MEGF11: variants seen among roughly 807,000 people sequenced by gnomAD.
MEGF11 encodes multiple epidermal growth factor-like domains protein 11.
MEGF11 carries 126 observed loss-of-function variants against 146.6 expected under a neutral mutation model. That is an observed-to-expected ratio of 0.86 (90% confidence interval 0.74 to 1.00). The LOEUF (loss-of-function observed/expected upper bound fraction) is 1.00. Ranked by LOEUF, MEGF11 falls within the 50% of genes least tolerant of loss-of-function variation. The pLI, the probability that MEGF11 is intolerant of heterozygous loss-of-function variation, is 0.00. For synonymous variants in MEGF11, 532 were observed against 583.4 expected, an observed-to-expected ratio of 0.91 and a Z score of 1.27; for missense variants, 1,509 against 1,521.2, an observed-to-expected ratio of 0.99 and a Z score of 0.13.
chr15:65,943,254 A>C (rs1380077966), intron 10 of MEGF11, among the ~76,000 whole-genome samples: 2 of 152,166 alleles, frequency 1.3e-5, no homozygotes, highest in Non-Finnish European at 2.9e-5. Flanking sequence ...CTGGGATTAC[A>C]GGCATGAGCC....
chr15:65,923,723 C>T (rs1167198132), intron 13 of MEGF11, among the ~76,000 whole-genome samples: 1 of 152,180 alleles, frequency 6.6e-6, no homozygotes, highest in Admixed American at 6.5e-5. Context: ...TTGACAGAGG[C>T]TTATGGGGGA....
At chr15:66,124,092 C>G (rs1323994863) in intron 2 of MEGF11, 92 bp from the exon 3 acceptor site, 19 of 991,626 alleles carry the variant, frequency 1.9e-5, no homozygotes, top group Non-Finnish European at 3.0e-5. Context: ...GCCCTGAGGC[C>G]AAGCTCCACA....
chr15:65,924,899 G>C (rs1596848736), intron 13 of MEGF11, among the ~76,000 whole-genome samples: 1 of 152,176 alleles, frequency 6.6e-6, no homozygotes. Context: ...AAAGTGCTGG[G>C]ATTACAGTCG....
chr15:66,140,000 G>A (rs1346803611), intron 1 of MEGF11, among the ~76,000 whole-genome samples: 1 of 152,190 alleles, frequency 6.6e-6, no homozygotes, highest in Admixed American at 6.5e-5. Context: ...GGCCAAAACA[G>A]CCGATCACAC....
chr15:66,150,822 TCGAG>T (rs1567264480), intron 1 of MEGF11, among the ~76,000 whole-genome samples: 1 of 90,042 alleles, frequency 1.1e-5, no homozygotes, highest in African/African-American at 4.6e-5. Context: ...CAATGCCCTG[TCGAG>T]AGAGAGAGAG....
At chr15:65,968,034 C>T (rs147542738) in intron 8 of MEGF11, among the ~76,000 whole-genome samples, 21 of 152,294 alleles carry the variant, frequency 1.4e-4, no homozygotes, top group Middle Eastern at 6.8e-3. Context: ...GCTAAGATGA[C>T]CCCAGATTGT....
chr15:65,981,550 G>C (rs1487281702), intron 6 of MEGF11, among the ~76,000 whole-genome samples: 1 of 152,192 alleles, frequency 6.6e-6, no homozygotes, highest in Non-Finnish European at 1.5e-5. Context: ...CAACGTCTCT[G>C]TGGTCAGAGT....
chr15:65,994,701 C>G (rs1243461366), intron 5 of MEGF11, among the ~76,000 whole-genome samples: 1 of 152,198 alleles, frequency 6.6e-6, no homozygotes, highest in Non-Finnish European at 1.5e-5. Flanking sequence ...GCTGTTCATC[C>G]TGGGAGTTGA....
intron 1 of MEGF11, among the ~76,000 whole-genome samples, chr15:66,234,615 G>A (rs1390924250): frequency 6.6e-6 from 1 of 152,164 alleles, no homozygotes; most frequent in Non-Finnish European, 1.5e-5. Flanking sequence ...CCCTGAATAT[G>A]ATCCCTGAAG....
rs753304245 is a variant in MEGF11 at position 66,094,459 on chromosome 15, C to T, written c.337G>A (p.Val113Ile). Reference sequence around the variant, plus strand: ...TCGCAGTGGCAGGTGTCCGGGGAAACGCAGCGGCCGTGCACACACTCCTCC... The same window carrying T: ...TCGCAGTGGCAGGTGTCCGGGGAAATGCAGCGGCCGTGCACACACTCCTCC... ...CTEECVHGRC[V>I]SPDTCHCEPG... is the part of the protein sequence containing the mutation. Residue 113 changes from valine (V) to isoleucine (I), a missense_variant, in exon 5 of 26, where the codon GTT (valine) becomes ATT (isoleucine). Coordinates refer to ENST00000395614, the MANE Select transcript of MEGF11 (RefSeq NM_001385028.1). The T allele has an allele frequency of 4.2e-5, 65 of 1,560,158 alleles. No homozygotes were observed. Among genetic ancestry groups the T allele is most frequent in the Middle Eastern group, 1.7e-4 (1 of 5,974 alleles).
chr15:65,992,668 T>G (rs60795611), intron 5 of MEGF11, among the ~76,000 whole-genome samples: 1 of 151,998 alleles, frequency 6.6e-6, no homozygotes, highest in South Asian at 2.1e-4. Flanking sequence ...GACTTTTTTT[T>G]TTTTTTTAAA....
At chr15:66,202,027 A>G (rs1008692001) in intron 1 of MEGF11, among the ~76,000 whole-genome samples, 10 of 148,408 alleles carry the variant, frequency 6.7e-5, no homozygotes, top group Non-Finnish European at 1.2e-4. Context: ...GGCTTTCTCC[A>G]GTGTCCCAGG....
chr15:66,235,478 G>A (rs928556601), intron 1 of MEGF11, among the ~76,000 whole-genome samples: 24 of 150,034 alleles, frequency 1.6e-4, no homozygotes, highest in African/African-American at 5.4e-4. Flanking sequence ...CTCCAGCCTG[G>A]GCAACAAAAT....
intron 5 of MEGF11, among the ~76,000 whole-genome samples, chr15:66,030,767 G>GA (rs1334142187): frequency 1.3e-5 from 2 of 152,046 alleles, no homozygotes; most frequent in African/African-American, 4.8e-5. Flanking sequence ...TCCTCCTCAG[G>GA]AAAAAATGCT....
intron 1 of MEGF11, among the ~76,000 whole-genome samples, chr15:66,143,747 C>G (rs1419877931): frequency 6.6e-6 from 1 of 152,182 alleles, no homozygotes; most frequent in Non-Finnish European, 1.5e-5. Flanking sequence ...TTTCACCAGC[C>G]CTGTCTCCCC....
At chr15:65,957,838 G>A (rs2080714141) in intron 9 of MEGF11, 117 bp from the exon 10 acceptor site, 1 of 899,596 alleles carries the variant, frequency 1.1e-6, no homozygotes, top group Non-Finnish European at 1.7e-6. Context: ...GGACCTCTGG[G>A]ATTAAATTGC....
chr15:66,129,590 T>C (rs1479783191), intron 1 of MEGF11, among the ~76,000 whole-genome samples: 1 of 152,144 alleles, frequency 6.6e-6, no homozygotes, highest in Non-Finnish European at 1.5e-5. Context: ...AGGCTTGAAA[T>C]GGTTGGGGAT....
At chr15:66,092,441 A>G (rs577559340) in intron 5 of MEGF11, among the ~76,000 whole-genome samples, 18 of 152,306 alleles carry the variant, frequency 1.2e-4, no homozygotes, top group African/African-American at 4.1e-4. Flanking sequence ...TTTAATTGAG[A>G]GCAAAGAGCT....
rs2090144164 is a variant in MEGF11 at position 66,167,879 on chromosome 15, C to T, written c.-8-39468G>A. Among the ~76,000 whole-genome samples, 4 of 152,284 alleles carry T rather than the reference C, an allele frequency of 2.6e-5. No homozygotes were observed. The South Asian group carries it at 8.3e-4, about 32-fold the overall frequency. ...TTGTGAGGCCGGGGGGAAGGGGCAG[C>T]AGCTCTGAAGAGGCCATCACTGGCC... is the stretch of plus-strand genomic sequence containing the variant. On this transcript the variant is annotated intron_variant, in intron 1 of 25. Coordinates refer to ENST00000395614, the MANE Select transcript of MEGF11 (RefSeq NM_001385028.1).
Sources: gnomAD v4.1 joint callset for allele counts (sites outside exome capture counted in the v4.1 genomes callset) on GRCh38, gnomAD v4.1.1 for gene constraint, MANE v1.5 for transcripts, NCBI Gene and HGNC (gene_info 2026-07-23, HGNC 2026-07-21) for gene names.